Variants in ABAT observed in about 807,000 individuals in gnomAD.
ABAT encodes 4-aminobutyrate aminotransferase, also known as 4-aminobutyrate aminotransferase, mitochondrial.
A neutral mutation model predicts 64.6 loss-of-function variants in ABAT; 45 were observed. The observed-to-expected ratio is 0.70, with a 90% CI of 0.55 to 0.89. The LOEUF (loss-of-function observed/expected upper bound fraction) is 0.89. ABAT is among the 40% of genes least tolerant of loss of function. The pLI, the probability that ABAT is intolerant of heterozygous loss-of-function variation, is 0.00. For missense variants in ABAT, 633 were observed against 658.4 expected, an observed-to-expected ratio of 0.96 and a Z score of 0.42; for synonymous variants, 297 against 250.5, an observed-to-expected ratio of 1.19 and a Z score of -1.75.
At chr16:8,739,523 GC>G (rs2059099087) in intron 2 of ABAT, among the ~76,000 whole-genome samples, 1 of 152,094 alleles carries the variant, frequency 6.6e-6, no homozygotes, top group African/African-American at 2.4e-5. Context: ...TTCAGGACCA[GC>G]CTGGCCAACA....
intron 15 of ABAT, among the ~76,000 whole-genome samples, chr16:8,780,170 G>A (rs539993589): frequency 1.3e-5 from 2 of 152,240 alleles, no homozygotes; most frequent in South Asian, 2.1e-4. Flanking sequence ...AGGGAAAGAA[G>A]GGGGCGTGAA....
At chr16:8,682,423 C>A (rs2057357345) in intron 1 of ABAT, among the ~76,000 whole-genome samples, 1 of 152,154 alleles carries the variant, frequency 6.6e-6, no homozygotes, top group Non-Finnish European at 1.5e-5. Context: ...ACCAGAGTAG[C>A]CTGCCCCTTT....
In ABAT at chr16:8,781,169, C is replaced by G; in HGVS notation, c.1382-140C>G. The stretch of plus-strand genomic sequence containing the variant: ...ATGGGTGGGTGGTAGGAAGGAAGCC[C>G]GGGCTTCCATGATGGAGGATGATGG... On this transcript the variant is annotated intron_variant, in intron 15 of 15. Coordinates refer to ENST00000268251, the MANE Select transcript of ABAT (RefSeq NM_020686.6). The surrounding 1 kb of genome is among the most constrained non-coding windows in gnomAD (Gnocchi z 4.5). 1 of 1,384,380 alleles carries G rather than the reference C, an allele frequency of 7.2e-7. No homozygotes were observed. The highest frequency in any genetic ancestry group is 1.0e-6 in the Non-Finnish European group (1 of 981,042). The allele number at this position is 1,384,380 out of a possible 1,614,324, so 85.8% of individuals were successfully genotyped here.
chr16:8,677,770 A>C (rs1249180815), intron 1 of ABAT, among the ~76,000 whole-genome samples: 2 of 152,222 alleles, frequency 1.3e-5, no homozygotes, highest in Non-Finnish European at 2.9e-5. Flanking sequence ...CTGGTCTAAT[A>C]CATGGCCTTA....
intron 5 of ABAT, among the ~76,000 whole-genome samples, chr16:8,757,516 A>G (rs757706229): frequency 6.6e-6 from 1 of 152,144 alleles, no homozygotes; most frequent in Non-Finnish European, 1.5e-5. Context: ...TCAAATCTGA[A>G]CAAGCATCAG....
chr16:8,745,895 A>T (rs1462351983), intron 2 of ABAT, 106 bp from the exon 3 acceptor site: 1 of 1,082,638 alleles, frequency 9.2e-7, no homozygotes, highest in Non-Finnish European at 1.4e-6. Flanking sequence ...GGATGAGGCT[A>T]AGGTCCTGGC....
intron 2 of ABAT, among the ~76,000 whole-genome samples, chr16:8,738,622 G>GTTTTTTTT (rs1204824310): frequency 9.0e-6 from 1 of 111,374 alleles, no homozygotes; most frequent in Admixed American, 8.6e-5. Context: ...TTTTGTTTTT[G>GTTTTTTTT]TTTTTGTTTT....
At chr16:8,703,237 A>G (rs2142034416) in intron 1 of ABAT, among the ~76,000 whole-genome samples, 1 of 152,232 alleles carries the variant, frequency 6.6e-6, no homozygotes, top group South Asian at 2.1e-4. Flanking sequence ...ACCTGAGGTC[A>G]AGAGTTCAAG....
chr16:8,711,940 T>C (rs2058087429), intron 1 of ABAT, among the ~76,000 whole-genome samples: 1 of 151,900 alleles, frequency 6.6e-6, no homozygotes, highest in Admixed American at 6.6e-5. Context: ...GATTGAACCA[T>C]ATGAAATTAC....
At chr16:8,716,912 T>A (rs949023203) in intron 1 of ABAT, among the ~76,000 whole-genome samples, 4 of 152,218 alleles carry the variant, frequency 2.6e-5, no homozygotes, top group African/African-American at 9.6e-5. Flanking sequence ...TTCTAAACTG[T>A]GATGTGCTGT....
At chr16:8,737,430 C>T (rs981469932) in intron 2 of ABAT, 1 of 151,786 alleles carries the variant, frequency 6.6e-6, no homozygotes, top group Non-Finnish European at 1.5e-5. Context: ...TGAGCTGGAT[C>T]GTGCCACTGT....
At position 8,776,301 on chromosome 16, in the gene ABAT, G is replaced by GT; in HGVS notation, c.1123-42dup. 6.2e-7 allele frequency: 1 copy of GT among 1,613,794 alleles called. No homozygotes were observed. The highest frequency in any genetic ancestry group is 8.5e-7 in the Non-Finnish European group (1 of 1,179,992). On this transcript the variant is annotated intron_variant, in intron 13 of 15. Coordinates refer to ENST00000268251, the MANE Select transcript of ABAT (RefSeq NM_020686.6). The surrounding 1 kb of genome is among the most constrained non-coding windows in gnomAD (Gnocchi z 4.4). ...CTGGGGTAAGTGACTCCTGCAGGGT[G>GT]TGCATGTGTGTGAAGCCTTCCAACA...
At chr16:8,726,460 T>C (rs2058559760) in intron 1 of ABAT, among the ~76,000 whole-genome samples, 1 of 152,034 alleles carries the variant, frequency 6.6e-6, no homozygotes, top group Admixed American at 6.6e-5. Context: ...GGTTTAGCCA[T>C]GTTCGCCAGG....
chr16:8,758,946 A>G (rs2059720396), intron 6 of ABAT, among the ~76,000 whole-genome samples: 1 of 152,066 alleles, frequency 6.6e-6, no homozygotes, highest in Admixed American at 6.6e-5. Context: ...TACTAAAAAT[A>G]CAACAGTTAG....
intron 1 of ABAT, among the ~76,000 whole-genome samples, chr16:8,693,247 G>T (rs1370271717): frequency 6.6e-6 from 1 of 152,110 alleles, no homozygotes; most frequent in Non-Finnish European, 1.5e-5. Flanking sequence ...TTAATTACAA[G>T]ATTAGCCTCT....
At chr16:8,743,318 CTGTGTGTG>C (rs56100974) in intron 2 of ABAT, among the ~76,000 whole-genome samples, 6,466 of 142,300 alleles carry the variant, frequency 0.045, 414 homozygotes, top group African/African-American at 0.14. Flanking sequence ...ATGTGTGTCT[CTGTGTGTG>C]TGTGTGTGTG....
chr16:8,696,134 G>C lies in ABAT; in HGVS notation c.-42+21423G>C, dbSNP rs550750730. On this transcript the variant is annotated intron_variant, in intron 1 of 15. Transcript: ENST00000268251. ...AGGACAGAGCTGGGACTCAAACCCA[G>C]GTCTGAGTGCACAGCCCATGACCCT... 1.1e-4 allele frequency among the ~76,000 whole-genome samples: 16 copies of C among 152,310 alleles called. No homozygotes were observed. The South Asian group carries it at 3.1e-3, about 30-fold the overall frequency.
At chr16:8,759,496 G>T (rs1407940375) in intron 6 of ABAT, among the ~76,000 whole-genome samples, 1 of 151,646 alleles carries the variant, frequency 6.6e-6, no homozygotes, top group Non-Finnish European at 1.5e-5. Flanking sequence ...ACAGATTGCT[G>T]TATTTCTCCA....
chr16:8,751,556 C>T (rs1053683511), intron 5 of ABAT, among the ~76,000 whole-genome samples: 1 of 152,194 alleles, frequency 6.6e-6, no homozygotes, highest in Non-Finnish European at 1.5e-5. Flanking sequence ...CACCACACCC[C>T]AGAGTTGGTC....
Sources: allele counts gnomAD v4.1 joint callset (sites outside exome capture counted in the v4.1 genomes callset), GRCh38; gene constraint gnomAD v4.1.1; non-coding constraint Gnocchi (gnomAD v3.1); transcripts MANE v1.5; gene names NCBI Gene and HGNC (gene_info 2026-07-23, HGNC 2026-07-21).